BSN: variants seen among roughly 807,000 people sequenced by gnomAD.
BSN encodes the protein bassoon presynaptic cytomatrix protein, also known as protein bassoon.
A neutral mutation model predicts 264.8 loss-of-function variants in BSN; 57 were observed. That is an observed-to-expected ratio of 0.22 (90% CI 0.17 to 0.27). The LOEUF is 0.27. BSN is among the 10% of genes least tolerant of loss of function. The pLI, the probability that BSN is intolerant of heterozygous loss-of-function variation, is 1.00. For missense variants in BSN, 4,615 were observed against 5,232.5 expected, an observed-to-expected ratio of 0.88 and a Z score of 3.64; for synonymous variants, 2,059 against 2,137.3, an observed-to-expected ratio of 0.96 and a Z score of 1.01.
In BSN at chr3:49,662,234, C is replaced by T. The variant is rs769748488; in HGVS notation, c.10389C>T (p.Gly3463=). ...CCAGCCACGACTTCAGTGGCTGGGGCAAGGGGTACGAAAGGGAACGGGAGG... is the reference window on the plus strand; with the variant it reads ...CCAGCCACGACTTCAGTGGCTGGGGTAAGGGGTACGAAAGGGAACGGGAGG... ...KLSSHDFSGW[G]KGYEREREAV... The change falls in exon 6 of 12, where the codon GGC becomes GGT. Residue 3463 remains glycine (G), a synonymous_variant. Coordinates refer to ENST00000296452, the MANE Select transcript of BSN (RefSeq NM_003458.4). 15 of 1,613,672 alleles carry T rather than the reference C, an allele frequency of 9.3e-6. 1 individual carries two copies. In the African/African-American group the frequency reaches 1.2e-4, roughly 13 times the overall value.
chr3:49,657,007 C>T lies in BSN; in HGVS notation c.7451C>T (p.Pro2484Leu), dbSNP rs762069569. 3 of 1,610,376 alleles carry T rather than the reference C, an allele frequency of 1.9e-6. No homozygotes were observed. The highest frequency in any genetic ancestry group is 2.2e-5 in the East Asian group (1 of 44,794). ...CCCTTTCCTGCAGCCTGTGAGGCAC[C>T]TGGCCGAGGGCCTCCCCTAGCGGCT... is the stretch of plus-strand genomic sequence containing the variant. Reference protein sequence around the residue: ...KAPFPAACEAPGRGPPLAAAE... With the variant: ...KAPFPAACEALGRGPPLAAAE... The change falls in exon 5 of 12, where the codon CCT becomes CTT. Residue 2484 changes from proline (P) to leucine (L), a missense_variant. Pro to Leu is a moderately conservative substitution (Grantham distance 98). Coordinates refer to ENST00000296452, the MANE Select transcript of BSN (RefSeq NM_003458.4).
chr3:49,659,204 G>C (rs2052634083), intron 5 of BSN, among the ~76,000 whole-genome samples: 1 of 152,086 alleles, frequency 6.6e-6, no homozygotes, highest in Non-Finnish European at 1.5e-5. Flanking sequence ...TGAAGTCTTG[G>C]TGTATGCAGG....
At chr3:49,665,860 A>C (rs2052709580) in intron 11 of BSN, among the ~76,000 whole-genome samples, 1 of 152,218 alleles carries the variant, frequency 6.6e-6, no homozygotes, top group African/African-American at 2.4e-5. Context: ...TCAGCCCCAG[A>C]CTAAGTCAGC....
At chr3:49,646,659 T>C (rs2052505145) in intron 3 of BSN, among the ~76,000 whole-genome samples, 1 of 152,026 alleles carries the variant, frequency 6.6e-6, no homozygotes, top group Admixed American at 6.6e-5. Context: ...GGAACAGGAG[T>C]ATCCTAAAAG....
At chr3:49,577,538 CT>C (rs34124561) in intron 1 of BSN, among the ~76,000 whole-genome samples, 66,992 of 145,280 alleles carry the variant, frequency 0.46, 16,302 homozygotes, top group East Asian at 0.91. Flanking sequence ...CTTTTCTTTT[CT>C]TTCTTTTTTT....
intron 1 of BSN, among the ~76,000 whole-genome samples, chr3:49,602,618 G>A (rs1248961234): frequency 6.6e-6 from 1 of 151,896 alleles, no homozygotes; most frequent in East Asian, 1.9e-4. Context: ...GCTAATTTTT[G>A]TATTTTTAGT....
rs1002635931 is a variant in BSN, at chr3:49,570,695, A to G, written c.224+15869A>G. Among the ~76,000 whole-genome samples the G allele has an allele frequency of 5.3e-4, 81 of 152,286 alleles. 1 individual carries two copies. The highest frequency in any genetic ancestry group is 1.4e-3 in the African/African-American group (59 of 41,570). ...CCTGAGTGTTGAGTGAGGAAAGCAA[A>G]CATGTTCTCCCTGTATTCAAATTAG... On this transcript the variant is annotated intron_variant, in intron 1 of 11. Coordinates refer to ENST00000296452, the MANE Select transcript of BSN (RefSeq NM_003458.4).
Position 49,650,998 on chromosome 3 carries a change from A to C in BSN, c.1905A>C (p.Val635=), listed in dbSNP as rs764091322. 6.2e-7 allele frequency: 1 copy of C among 1,614,112 alleles called. No homozygotes were observed. The highest frequency in any genetic ancestry group is 8.5e-7 in the Non-Finnish European group (1 of 1,180,018). The part of the protein sequence containing the change: ...ETTPTPATPK[V]KSGVRRAEPA... Reference sequence around the variant, plus strand: ...CCCCAACCCCTGCGACTCCTAAAGTAAAGAGTGGGGTGAGGAGGGCTGAAC... The same window carrying C: ...CCCCAACCCCTGCGACTCCTAAAGTCAAGAGTGGGGTGAGGAGGGCTGAAC... The change falls in exon 4 of 12, where the codon GTA becomes GTC. Residue 635 remains valine (V), a synonymous_variant. Transcript: ENST00000296452.
chr3:49,637,224 C>T (rs778388403), intron 2 of BSN, among the ~76,000 whole-genome samples: 2 of 152,166 alleles, frequency 1.3e-5, no homozygotes, highest in African/African-American at 4.8e-5. Flanking sequence ...ACGTCTGCAA[C>T]CTTCCTTTTC....
rs2108104802 is a variant in BSN at position 49,668,650 on chromosome 3, A to T, written c.*1165A>T. The T allele has an allele frequency of 6.5e-6, 1 of 152,758 alleles. No homozygotes were observed. The highest frequency in any genetic ancestry group is 1.9e-4 in the East Asian group (1 of 5,172). 9.5% of individuals were successfully genotyped at this position (152,758 alleles called of 1,614,324 possible). On this transcript the variant is annotated 3_prime_UTR_variant, in exon 12 of 12. Coordinates refer to ENST00000296452, the MANE Select transcript of BSN (RefSeq NM_003458.4). ...GTGCAATTCCAGTCGTTCTTAAGCC[A>T]TCACCAGTGGGTGTACTCAGAGCAG...
At chr3:49,567,081 G>T (rs2051757512) in intron 1 of BSN, among the ~76,000 whole-genome samples, 1 of 151,828 alleles carries the variant, frequency 6.6e-6, no homozygotes, top group African/African-American at 2.4e-5. Context: ...CTCCAAACTG[G>T]GTTGAATCTC....
chr3:49,667,419 C>A (rs1055840576), intron 11 of BSN, among the ~76,000 whole-genome samples, 171 bp from the exon 12 acceptor site: 1 of 152,182 alleles, frequency 6.6e-6, no homozygotes, highest in Non-Finnish European at 1.5e-5. Flanking sequence ...CCTGCCCAAG[C>A]ACCCATCTCC....
At position 49,652,517 on chromosome 3, in the gene BSN, A is replaced by G; in HGVS notation, c.2961A>G (p.Thr987=). ...ACTCCTCTACATTGCCTGCCTCCACACCCAGCTACACCTCGGGCACCTCTC... is the reference window on the plus strand; with the variant it reads ...ACTCCTCTACATTGCCTGCCTCCACGCCCAGCTACACCTCGGGCACCTCTC... ...GEHSSTLPAS[T]PSYTSGTSPT... is the part of the protein sequence containing the mutation. Residue 987 remains threonine, a synonymous_variant, in exon 5 of 12, where the codon ACA becomes ACG. Transcript: ENST00000296452. 1 of 1,613,402 alleles carries G rather than the reference A, an allele frequency of 6.2e-7. No individual in the cohort carries two copies. The highest frequency in any genetic ancestry group is 8.5e-7 in the Non-Finnish European group (1 of 1,179,930).
In BSN at chr3:49,663,220, G is replaced by A. The variant is rs1299548074; in HGVS notation, c.11062G>A (p.Ala3688Thr). The change falls in exon 7 of 12, where the codon GCT becomes ACT. Residue 3688 changes from alanine (A) to threonine (T), a missense_variant. By Grantham distance (58) the Ala-to-Thr change is moderately conservative. This residue lies in a region of BSN where 3,415 missense variants were observed against 3,866.4 expected (regional missense o/e 0.88). Coordinates refer to ENST00000296452, the MANE Select transcript of BSN (RefSeq NM_003458.4). Reference sequence around the variant, plus strand: ...CCGGCCCCACTCTCAGCCCAGCTCTGCTCCAGCTATGCCGAAGAAGGGTCA... The same window carrying A: ...CCGGCCCCACTCTCAGCCCAGCTCTACTCCAGCTATGCCGAAGAAGGGTCA... The part of the protein sequence containing the change: ...EARPHSQPSS[A>T]PAMPKKGQPG... The A allele has an allele frequency of 6.2e-7, 1 of 1,614,000 alleles. No individual in the cohort carries two copies. The highest frequency in any genetic ancestry group is 2.2e-5 in the East Asian group (1 of 44,896).
intron 1 of BSN, among the ~76,000 whole-genome samples, chr3:49,586,361 T>TATCTATCTATCA (rs1194386717): frequency 2.0e-5 from 3 of 151,746 alleles, no homozygotes; most frequent in Non-Finnish European, 4.4e-5. Flanking sequence ...TCTATCTATC[T>TATCTATCTATCA]ATCATTATCT....
At chr3:49,633,511 C>G (rs1401790871) in intron 2 of BSN, among the ~76,000 whole-genome samples, 1 of 152,078 alleles carries the variant, frequency 6.6e-6, no homozygotes, top group Non-Finnish European at 1.5e-5. Flanking sequence ...CTCTGGAAAA[C>G]AGTATGGCAG....
intron 2 of BSN, among the ~76,000 whole-genome samples, chr3:49,637,031 C>G (rs554551343): frequency 5.3e-5 from 8 of 152,378 alleles, no homozygotes; most frequent in South Asian, 2.1e-4. Flanking sequence ...TCCCAGGAAC[C>G]TCTAGATTTG....
intron 1 of BSN, among the ~76,000 whole-genome samples, chr3:49,571,861 T>G (rs1261001213): frequency 1.3e-5 from 2 of 152,108 alleles, no homozygotes; most frequent in Non-Finnish European, 2.9e-5. Context: ...GGGATAGAGG[T>G]AGCAACACCA....
chr3:49,641,186 A>G (rs891976161), intron 2 of BSN, among the ~76,000 whole-genome samples: 2 of 152,218 alleles, frequency 1.3e-5, no homozygotes, highest in African/African-American at 4.8e-5. Flanking sequence ...TGGAAGTCCA[A>G]GGGTAGACTT....
Sources: allele counts gnomAD v4.1 joint callset (sites outside exome capture counted in the v4.1 genomes callset), GRCh38; gene constraint gnomAD v4.1.1; regional missense constraint gnomAD v4.1.1; transcripts MANE v1.5; gene names NCBI Gene and HGNC (gene_info 2026-07-23, HGNC 2026-07-21).